The following DSCAM variants were observed in gnomAD, a reference collection of about 807,000 sequenced individuals.
DSCAM encodes the protein DS cell adhesion molecule.
In DSCAM, 47 loss-of-function variants were observed where a neutral mutation model predicts 217.7. That is an observed-to-expected ratio of 0.22 (90% CI 0.17 to 0.28). The LOEUF is 0.28. Among genes scored for constraint, DSCAM ranks in the 10% least tolerant of loss-of-function variants. The pLI, the probability that DSCAM is intolerant of heterozygous loss-of-function variation, is 1.00. For synonymous variants in DSCAM, 1,056 were observed against 1,015.3 expected, an observed-to-expected ratio of 1.04 and a Z score of -0.76; for missense variants, 2,080 against 2,618.3, an observed-to-expected ratio of 0.79 and a Z score of 4.49.
chr21:40,786,276 AAG>A (rs1180157242), intron 1 of DSCAM, among the ~76,000 whole-genome samples: 41 of 151,948 alleles, frequency 2.7e-4, no homozygotes, highest in Admixed American at 1.4e-3. Context: ...GAAGGAAAGA[AAG>A]AAAAAAAGGA....
chr21:40,491,701 T>C (rs1009056508), intron 3 of DSCAM, among the ~76,000 whole-genome samples: 8 of 152,172 alleles, frequency 5.3e-5, no homozygotes, highest in African/African-American at 1.9e-4. Flanking sequence ...TTCTGCAACA[T>C]GCTAGTCACA....
chr21:40,633,532 G>A (rs2089719197), intron 3 of DSCAM, among the ~76,000 whole-genome samples: 1 of 152,160 alleles, frequency 6.6e-6, no homozygotes, highest in Non-Finnish European at 1.5e-5. Flanking sequence ...AAATATTTGG[G>A]ACATCCCACA....
intron 32 of DSCAM, among the ~76,000 whole-genome samples, chr21:40,015,820 G>C (rs1283595099): frequency 1.3e-5 from 2 of 151,982 alleles, no homozygotes; most frequent in East Asian, 3.9e-4. Flanking sequence ...GCACAATTAG[G>C]GCCCAGCCAC....
intron 3 of DSCAM, among the ~76,000 whole-genome samples, chr21:40,495,713 C>T (rs1338094309): frequency 6.6e-6 from 1 of 151,908 alleles, no homozygotes; most frequent in East Asian, 1.9e-4. Context: ...TTAAAAACAT[C>T]CAAATTGGAA....
chr21:40,697,687 G>C (rs2090610180), intron 2 of DSCAM, among the ~76,000 whole-genome samples: 2 of 152,148 alleles, frequency 1.3e-5, no homozygotes, highest in African/African-American at 4.8e-5. Context: ...TATCCCATTG[G>C]TCTATGTGTC....
At chr21:40,796,936 G>A (rs568749958) in intron 1 of DSCAM, among the ~76,000 whole-genome samples, 5 of 152,206 alleles carry the variant, frequency 3.3e-5, no homozygotes, top group South Asian at 2.1e-4. Flanking sequence ...AGATCAGAGG[G>A]GTAGAAACAA....
rs544550507 is a variant in DSCAM, at chr21:40,524,752, T to C, written c.509-155507A>G. 7.9e-5 allele frequency among the ~76,000 whole-genome samples: 12 copies of C among 152,252 alleles called. No individual in the cohort carries two copies. The East Asian group carries it at 2.3e-3, about 29-fold the overall frequency. On this transcript the variant is annotated intron_variant, in intron 3 of 32. Transcript: ENST00000400454. ...AGGGCCAGGTGTGGTGGCTCATAGC[T>C]GTAATCCCAGCATTTTGGGAGGACG...
chr21:40,296,011 A>C, intron 10 of DSCAM, 44 bp downstream of exon 10: 1 of 1,598,240 alleles, frequency 6.3e-7, no homozygotes, highest in Non-Finnish European at 8.5e-7. Flanking sequence ...TTTAGAACAT[A>C]GCAAATGTTT....
chr21:40,062,308 T>C (rs1481922905), intron 28 of DSCAM, among the ~76,000 whole-genome samples: 1 of 152,218 alleles, frequency 6.6e-6, no homozygotes, highest in Non-Finnish European at 1.5e-5. Flanking sequence ...TCCACGGTTA[T>C]GAATGGGGCA....
chr21:40,678,189 T>G (rs2090361741), intron 3 of DSCAM, among the ~76,000 whole-genome samples: 1 of 152,236 alleles, frequency 6.6e-6, no homozygotes, highest in Non-Finnish European at 1.5e-5. Context: ...ATAAGCCTAC[T>G]GATTATAATT....
intron 3 of DSCAM, among the ~76,000 whole-genome samples, chr21:40,554,712 C>T (rs1177393006): frequency 6.6e-6 from 1 of 152,120 alleles, no homozygotes; most frequent in Non-Finnish European, 1.5e-5. Context: ...TTTAGGTATT[C>T]TTAGAAGATG....
intron 3 of DSCAM, among the ~76,000 whole-genome samples, chr21:40,622,776 A>T (rs2089538676): frequency 6.6e-6 from 1 of 151,994 alleles, no homozygotes; most frequent in South Asian, 2.1e-4. Context: ...CTGTCTTCCC[A>T]GTCGTGCTTT....
chr21:40,801,492 C>A (rs1398130440), intron 1 of DSCAM, among the ~76,000 whole-genome samples: 1 of 152,026 alleles, frequency 6.6e-6, no homozygotes, highest in African/African-American at 2.4e-5. Flanking sequence ...AAAAAGAGAT[C>A]CTGAAGGCAT....
At chr21:40,152,217 A>G (rs2090431030) in intron 16 of DSCAM, among the ~76,000 whole-genome samples, 1 of 152,226 alleles carries the variant, frequency 6.6e-6, no homozygotes, top group Non-Finnish European at 1.5e-5. Flanking sequence ...AAATGTTGAA[A>G]TTTAGAAATG....
At chr21:40,246,271 C>T (rs1041626690) in intron 11 of DSCAM, among the ~76,000 whole-genome samples, 2 of 140,800 alleles carry the variant, frequency 1.4e-5, no homozygotes, top group Admixed American at 7.8e-5. Flanking sequence ...AATCCCAGCA[C>T]TTTGGGAAGC....
At chr21:40,295,908 T>G in intron 10 of DSCAM, 147 bp downstream of exon 10, 1 of 952,962 alleles carries the variant, frequency 1.0e-6, no homozygotes. Context: ...CAACTAGGAA[T>G]GTCTATGAGA....
At chr21:40,542,127 T>G (rs1434754542) in intron 3 of DSCAM, among the ~76,000 whole-genome samples, 2 of 152,220 alleles carry the variant, frequency 1.3e-5, no homozygotes, top group Non-Finnish European at 2.9e-5. Flanking sequence ...ACTATCTGCC[T>G]ACATGTTCTC....
intron 3 of DSCAM, among the ~76,000 whole-genome samples, chr21:40,609,684 C>T (rs62223618): frequency 0.082 from 12,480 of 152,174 alleles, 579 homozygotes; most frequent in South Asian, 0.16. Flanking sequence ...ATTGTTAGGA[C>T]TGAATTGTTG....
intron 3 of DSCAM, among the ~76,000 whole-genome samples, chr21:40,633,363 C>T (rs1003143904): frequency 6.6e-6 from 1 of 152,160 alleles, no homozygotes; most frequent in Non-Finnish European, 1.5e-5. Context: ...GACCCAGTTC[C>T]ACATCTCTCT....
Sources: gnomAD v4.1 joint callset for allele counts (sites outside exome capture counted in the v4.1 genomes callset) on GRCh38, gnomAD v4.1.1 for gene constraint, MANE v1.5 for transcripts, NCBI Gene and HGNC (gene_info 2026-07-23, HGNC 2026-07-21) for gene names.